MGAM: variants seen among roughly 807,000 people sequenced by gnomAD.
MGAM encodes the protein alpha-1,4-glucosidase.
A neutral mutation model predicts 358.8 loss-of-function variants in MGAM; 253 were observed. The ratio of observed to expected loss-of-function variants is 0.71; its 90% CI spans 0.64 to 0.78. The LOEUF (loss-of-function observed/expected upper bound fraction) is 0.78. Among genes scored for constraint, MGAM ranks in the 30% least tolerant of loss-of-function variants. The pLI is 0.00. For synonymous variants in MGAM, 1,105 were observed against 1,227.1 expected (o/e 0.90, Z 2.08); for missense variants, 3,080 against 3,432.6 (o/e 0.90, Z 2.57).
At position 142,071,206 on chromosome 7, in the gene MGAM, A is replaced by C. The variant is rs1813321490; in HGVS notation, c.5186+88A>C. On this transcript the variant is annotated intron_variant, in intron 44 of 70. Transcript: ENST00000475668. ...CTACCAAAATGTAAGCATCACTTTC[A>C]AACCCACATGCAATTCTACTCAACA... is the stretch of plus-strand genomic sequence containing the variant. The C allele has an allele frequency of 5.0e-6, 7 of 1,387,986 alleles. 1 individual carries two copies. The Admixed American group carries it at 1.1e-4, about 22-fold the overall frequency. The allele number at this position is 1,387,986 out of a possible 1,614,324, so 86.0% of individuals were successfully genotyped here.
At chr7:141,988,467 C>T (rs781902752) in intron 2 of MGAM, among the ~76,000 whole-genome samples, 2 of 151,900 alleles carry the variant, frequency 1.3e-5, no homozygotes, top group Non-Finnish European at 2.9e-5. Context: ...CAAGTTCAAG[C>T]GATTCTCTTA....
chr7:141,999,443 C>T (rs1459247626), intron 1 of MGAM, among the ~76,000 whole-genome samples: 1 of 152,164 alleles, frequency 6.6e-6, no homozygotes, highest in Non-Finnish European at 1.5e-5. Context: ...GTCCAAAGGG[C>T]AGGTGTTCAA....
At chr7:142,054,640 A>T (rs1269603307) in intron 26 of MGAM, 114 bp from the exon 27 acceptor site, 2 of 1,147,486 alleles carry the variant, frequency 1.7e-6, no homozygotes, top group East Asian at 4.8e-5. Context: ...AGATATCATA[A>T]AGAAGATAGA....
chr7:141,998,848 C>G (rs556446499), intron 1 of MGAM, among the ~76,000 whole-genome samples: 15 of 152,184 alleles, frequency 9.9e-5, no homozygotes, highest in East Asian at 3.9e-4. Flanking sequence ...TTCCACAATG[C>G]TTGAACTAAT....
rs375643808 is a variant in MGAM at position 142,065,968 on chromosome 7, G to T, written c.4770+137G>T. On this transcript the variant is annotated intron_variant, in intron 40 of 70. Transcript: ENST00000475668. Reference sequence around the variant, plus strand: ...GTTTTTTTTTGTTTTGTTTTGTTTTGTTTTTTTTTTTGAAACAGGGATTTA... The same window carrying T: ...GTTTTTTTTTGTTTTGTTTTGTTTTTTTTTTTTTTTTGAAACAGGGATTTA... The T allele has an allele frequency of 4.8e-3, 2,939 of 610,976 alleles. 114 individuals carry two copies. The African/African-American group carries it at 0.049, about 10-fold the overall frequency. The allele number at this position is 610,976 out of a possible 1,614,324, so 37.8% of individuals were successfully genotyped here. A position where few individuals can be genotyped will look rare whatever the true frequency, so the allele number is the denominator to read the frequency against.
Position 142,036,920 on chromosome 7 carries a change from C to A in MGAM, c.2174C>A (p.Thr725Asn). Residue 725 changes from threonine to asparagine, a missense_variant, in exon 18 of 71, where the codon ACC (threonine) becomes AAC (asparagine). By Grantham distance (65) the Thr-to-Asn change is moderately conservative (BLOSUM62 0). Around this residue, in one of 5 missense-constraint regions of MGAM, gnomAD observed 1,816 missense variants for 1,840.5 expected, o/e 0.99. Coordinates refer to ENST00000475668, the MANE Select transcript of MGAM (RefSeq NM_001365693.1). ...TATACTCTATTGCCCTACCTATACA[C>A]CCTCTTCTTCCGTGCTCACAGCCGA... ...IRYTLLPYLY[T>N]LFFRAHSRGD... The A allele has an allele frequency of 1.9e-6, 3 of 1,613,764 alleles. No individual in the cohort carries two copies. Among genetic ancestry groups the A allele is most frequent in the East Asian group, 2.2e-5 (1 of 44,880 alleles).
Position 142,030,702 on chromosome 7 carries a change from C to G in MGAM, c.1415C>G (p.Ser472Ter), listed in dbSNP as rs781922241. Residue 472 changes from serine to a stop codon, truncating the protein, a stop_gained, in exon 12 of 71, where the codon TCA becomes TGA. Coordinates refer to ENST00000475668, the MANE Select transcript of MGAM (RefSeq NM_001365693.1). LOFTEE classifies it high-confidence loss of function. ...CCCTATGGCCCATATGACAGGGGTT[C>G]AGATATGAAGATATGGGTGAATAGT... ...SKPYGPYDRG[S>*]DMKIWVNSSD... The G allele has an allele frequency of 4.0e-5, 64 of 1,613,022 alleles. No individual in the cohort carries two copies. Among genetic ancestry groups the G allele is most frequent in the Non-Finnish European group, 4.8e-5 (57 of 1,179,346 alleles).
At chr7:142,005,377 C>T (rs1296295989) in intron 1 of MGAM, among the ~76,000 whole-genome samples, 152 bp from the exon 2 acceptor site, 4 of 151,960 alleles carry the variant, frequency 2.6e-5, no homozygotes, top group Admixed American at 1.3e-4. Context: ...AATGAATTGG[C>T]CATGAGCTGA....
chr7:142,034,100 A>T (rs570656925), intron 14 of MGAM, among the ~76,000 whole-genome samples, 162 bp from the exon 15 acceptor site: 1 of 152,270 alleles, frequency 6.6e-6, no homozygotes, highest in East Asian at 1.9e-4. Context: ...CAGAGAAACT[A>T]CTCCAAGTGG....
intron 40 of MGAM, 112 bp downstream of exon 40, chr7:142,065,943 G>GTT (rs1288283027): frequency 9.8e-4 from 632 of 642,484 alleles, no homozygotes; most frequent in Non-Finnish European, 1.2e-3. Context: ...AAAAAAAGGT[G>GTT]TTTTTTTTTG....
At chr7:142,045,034 G>C (rs190918541) in intron 21 of MGAM, among the ~76,000 whole-genome samples, 1 of 87,608 alleles carries the variant, frequency 1.1e-5, no homozygotes, top group African/African-American at 4.1e-5. Flanking sequence ...TTGTATACAC[G>C]TGTAATATAT....
chr7:142,086,849 A>G (rs369727767), intron 57 of MGAM, 132 bp downstream of exon 57: 8 of 425,910 alleles, frequency 1.9e-5, no homozygotes, highest in African/African-American at 6.2e-5. Context: ...TGTGTGTTGG[A>G]TGTCAGTCTG....
chr7:142,091,598 T>C (rs1815391536), intron 57 of MGAM, among the ~76,000 whole-genome samples: 1 of 146,158 alleles, frequency 6.8e-6, no homozygotes, highest in Admixed American at 6.9e-5. Flanking sequence ...GCATAGGAAA[T>C]GGCAGGACTG....
At chr7:142,027,965 T>C (rs1807127482) in intron 10 of MGAM, among the ~76,000 whole-genome samples, 1 of 152,182 alleles carries the variant, frequency 6.6e-6, no homozygotes, top group South Asian at 2.1e-4. Flanking sequence ...TAATTATGTG[T>C]TGGGAGGCAA....
At position 142,078,941 on chromosome 7, in the gene MGAM, C is replaced by T. The variant is rs764504083; in HGVS notation, c.5780C>T (p.Pro1927Leu). 4.5e-6 allele frequency: 7 copies of T among 1,556,110 alleles called. No homozygotes were observed. In the South Asian group the frequency reaches 6.7e-5, roughly 15 times the overall value. The change falls in exon 49 of 71, where the codon CCT becomes CTT. Residue 1927 changes from proline (P) to leucine (L), a missense_variant. Physicochemically the swap from Pro to Leu is moderately conservative, Grantham distance 98 (BLOSUM62 -3). This residue lies in a region of MGAM where 932 missense variants were observed against 1,198.2 expected (regional missense o/e 0.78). Coordinates refer to ENST00000475668, the MANE Select transcript of MGAM (RefSeq NM_001365693.1). Reference sequence around the variant, plus strand: ...TCTTCTGTTCATGCCAATGCCTTCCCTTCCACACCCGTGAACCCCCTTCGC... The same window carrying T: ...TCTTCTGTTCATGCCAATGCCTTCCTTTCCACACCCGTGAACCCCCTTCGC... ...LKSSVHANAF[P>L]STPVNPLRLD... is the part of the protein sequence containing the mutation.
intron 4 of MGAM, among the ~76,000 whole-genome samples, chr7:142,020,586 A>AAT (rs201449305): frequency 0.034 from 4,874 of 141,356 alleles, 120 homozygotes; most frequent in African/African-American, 0.057. Flanking sequence ...CATGTATCCT[A>AAT]ATATATATAT....
At chr7:142,035,907 C>T (rs895946526) in intron 16 of MGAM, among the ~76,000 whole-genome samples, 1 of 152,084 alleles carries the variant, frequency 6.6e-6, no homozygotes, top group African/African-American at 2.4e-5. Context: ...CTTTTATTAC[C>T]TCATTCATTT....
At chr7:142,040,349 A>T in intron 20 of MGAM, 178 bp downstream of exon 20, 1 of 610,842 alleles carries the variant, frequency 1.6e-6, no homozygotes, top group Non-Finnish European at 2.9e-6. Flanking sequence ...ATCAGTCATG[A>T]TGAAATGTGA....
chr7:142,033,566 G>C (rs1432350699), intron 14 of MGAM, among the ~76,000 whole-genome samples: 5 of 152,172 alleles, frequency 3.3e-5, no homozygotes, highest in Non-Finnish European at 7.3e-5. Flanking sequence ...ACAGGAAATT[G>C]GGGCAGGAAG....
Sources: allele counts gnomAD v4.1 joint callset (sites outside exome capture counted in the v4.1 genomes callset), GRCh38; gene constraint gnomAD v4.1.1; regional missense constraint gnomAD v4.1.1; transcripts MANE v1.5; gene names NCBI Gene and HGNC (gene_info 2026-07-23, HGNC 2026-07-21).